The following PACS1 variants were observed in gnomAD, a reference collection of about 807,000 sequenced individuals.
The protein encoded by PACS1 is phosphofurin acidic cluster sorting protein 1.
Under a neutral mutation model 115.0 loss-of-function variants are expected in PACS1, and 24 were observed. The ratio of observed to expected loss-of-function variants is 0.21; its 90% CI spans 0.15 to 0.29. The LOEUF is 0.29. Among genes scored for constraint, PACS1 ranks in the 10% least tolerant of loss-of-function variants. The pLI, the probability that PACS1 is intolerant of heterozygous loss-of-function variation, is 1.00. For synonymous variants in PACS1, 453 were observed against 504.5 expected, an observed-to-expected ratio of 0.90 and a Z score of 1.37; for missense variants, 838 against 1,251.2, an observed-to-expected ratio of 0.67 and a Z score of 4.98.
At chr11:66,131,088 C>G (rs1487482351) in intron 1 of PACS1, among the ~76,000 whole-genome samples, 1 of 152,020 alleles carries the variant, frequency 6.6e-6, no homozygotes, top group Admixed American at 6.6e-5. Context: ...AAAGATAAAA[C>G]TAAATAAATT....
chr11:66,192,707 A>T (rs913448502), intron 1 of PACS1, among the ~76,000 whole-genome samples: 2 of 152,212 alleles, frequency 1.3e-5, no homozygotes, highest in Admixed American at 1.3e-4. Flanking sequence ...TTGACCACCC[A>T]GGCAGCCATA....
At chr11:66,138,980 C>T (rs191574479) in intron 1 of PACS1, among the ~76,000 whole-genome samples, 18 of 152,076 alleles carry the variant, frequency 1.2e-4, no homozygotes, top group Middle Eastern at 3.4e-3. Flanking sequence ...TGTGCCTGGC[C>T]GCTGTCTGTA....
At chr11:66,210,565 G>A in intron 3 of PACS1, 114 bp downstream of exon 3, 1 of 819,216 alleles carries the variant, frequency 1.2e-6, no homozygotes. Flanking sequence ...AACTTGGGCA[G>A]GAATGAATAA....
chr11:66,217,274 C>A (rs899974615), intron 7 of PACS1: 3 of 305,658 alleles, frequency 9.8e-6, no homozygotes, highest in African/African-American at 2.2e-5. Context: ...GGATCCATAA[C>A]CTTGGAGACC....
In PACS1 at chr11:66,120,564, G is replaced by A. The variant is rs529227637; in HGVS notation, c.356+49722G>A. On this transcript the variant is annotated intron_variant, in intron 1 of 23. Transcript: ENST00000320580. The stretch of plus-strand genomic sequence containing the variant: ...TTATATGAGATCATATCAATGCATA[G>A]GAAGCTAGACATGTATTAGATTGTG... Among the ~76,000 whole-genome samples, 26 of 152,304 alleles carry A rather than the reference G, an allele frequency of 1.7e-4. No homozygotes were observed. In the South Asian group the frequency reaches 5.4e-3, roughly 32 times the overall value.
At chr11:66,216,312 T>A (rs1855208601) in intron 5 of PACS1, 49 bp downstream of exon 5, 2 of 1,605,826 alleles carry the variant, frequency 1.2e-6, no homozygotes, top group Non-Finnish European at 1.7e-6. Flanking sequence ...GAGCCCATCC[T>A]GGGAAAGGTG....
At chr11:66,118,769 C>CAAAAAAAAAAAAAAAAAAAAA (rs397945291) in intron 1 of PACS1, among the ~76,000 whole-genome samples, 5 of 83,612 alleles carry the variant, frequency 6.0e-5, no homozygotes, top group Admixed American at 1.7e-4. Context: ...CCCATGTCTA[C>CAAAAAAAAAAAAAAAAAAAAA]AAAAAAAAAA....
intron 1 of PACS1, among the ~76,000 whole-genome samples, chr11:66,079,980 G>C (rs1486994873): frequency 3.9e-5 from 6 of 152,138 alleles, no homozygotes; most frequent in Non-Finnish European, 5.9e-5. Context: ...GTATCATTCA[G>C]CTCTTCACTG....
In PACS1 at chr11:66,241,430, C is replaced by T. The variant is rs1855812184; in HGVS notation, c.2433C>T (p.Ser811=). ...CCTCTTTGTTCCCTTTCCTCAGGAG[C>T]CCTAATAGCCCATATGGGGACGTGA... is the stretch of plus-strand genomic sequence containing the variant. The part of the protein sequence containing the change: ...SMSSALAIVG[S]PNSPYGDVIG... The change falls in exon 22 of 24, where the codon AGC becomes AGT. Residue 811 remains serine (S), a synonymous_variant. Transcript: ENST00000320580. 1.3e-6 allele frequency: 2 copies of T among 1,585,864 alleles called. No individual in the cohort carries two copies. The highest frequency in any genetic ancestry group is 1.7e-6 in the Non-Finnish European group (2 of 1,165,118).
At chr11:66,172,116 C>A (rs987750961) in intron 1 of PACS1, among the ~76,000 whole-genome samples, 1 of 152,164 alleles carries the variant, frequency 6.6e-6, no homozygotes, top group African/African-American at 2.4e-5. Context: ...TTTATAAAAG[C>A]AATGTTTGTT....
chr11:66,176,946 G>A (rs1859879917), intron 1 of PACS1, among the ~76,000 whole-genome samples: 1 of 152,144 alleles, frequency 6.6e-6, no homozygotes, highest in Non-Finnish European at 1.5e-5. Context: ...TTATAAGTTA[G>A]GCTGTTGTTT....
Position 66,235,488 on chromosome 11 carries a change from C to A in PACS1, c.2207+85C>A. 1 of 993,604 alleles carries A rather than the reference C, an allele frequency of 1.0e-6. No individual in the cohort carries two copies. Among genetic ancestry groups the A allele is most frequent in the Non-Finnish European group, 1.6e-6 (1 of 636,050 alleles). 61.5% of individuals were successfully genotyped at this position (993,604 alleles called of 1,614,324 possible). On this transcript the variant is annotated intron_variant, in intron 18 of 23. Transcript: ENST00000320580. The surrounding 1 kb of genome is among the most constrained non-coding windows in gnomAD (Gnocchi z 5.6). ...GTCTTCCTTGCTTTCTCACATTTTC[C>A]TTCTCCACATGCTATATTCCTTCAT...
chr11:66,127,981 A>G (rs1420450889), intron 1 of PACS1, among the ~76,000 whole-genome samples: 1 of 152,218 alleles, frequency 6.6e-6, no homozygotes, highest in Non-Finnish European at 1.5e-5. Flanking sequence ...GGATGGAGAA[A>G]CATTGTAAAT....
intron 1 of PACS1, among the ~76,000 whole-genome samples, chr11:66,154,026 A>C (rs1859301803): frequency 6.6e-6 from 1 of 152,210 alleles, no homozygotes; most frequent in East Asian, 1.9e-4. Flanking sequence ...CATCAAATGA[A>C]ATAAATTTTA....
At chr11:66,160,226 T>C (rs1393810651) in intron 1 of PACS1, among the ~76,000 whole-genome samples, 1 of 152,162 alleles carries the variant, frequency 6.6e-6, no homozygotes, top group Non-Finnish European at 1.5e-5. Flanking sequence ...TTAACACAGA[T>C]TGGTGCTAGA....
chr11:66,211,096 C>T (rs764703449), intron 3 of PACS1, 38 bp from the exon 4 acceptor site: 2 of 1,610,320 alleles, frequency 1.2e-6, no homozygotes, highest in Non-Finnish European at 1.7e-6. Context: ...GACCCAGCTG[C>T]CCATTAACCA....
chr11:66,200,968 C>T (rs1246428242), intron 2 of PACS1, among the ~76,000 whole-genome samples: 11 of 151,596 alleles, frequency 7.3e-5, no homozygotes, highest in Admixed American at 7.2e-4. Flanking sequence ...CGCCTGTAAT[C>T]CCAGCACTTT....
At chr11:66,100,533 G>A (rs563868328) in intron 1 of PACS1, among the ~76,000 whole-genome samples, 2 of 152,132 alleles carry the variant, frequency 1.3e-5, no homozygotes, top group Admixed American at 1.3e-4. Context: ...GCGAGAAGCC[G>A]ATTTACTCTG....
chr11:66,093,948 T>C (rs1857720945), intron 1 of PACS1, among the ~76,000 whole-genome samples: 1 of 151,758 alleles, frequency 6.6e-6, no homozygotes. Context: ...GAATGACTAC[T>C]GGGTACATAA....
Sources: allele counts gnomAD v4.1 joint callset (sites outside exome capture counted in the v4.1 genomes callset), GRCh38; gene constraint gnomAD v4.1.1; non-coding constraint Gnocchi (gnomAD v3.1); transcripts MANE v1.5; gene names NCBI Gene and HGNC (gene_info 2026-07-23, HGNC 2026-07-21).